Variants in CSMD1 observed in about 807,000 individuals in gnomAD.
CSMD1 encodes CUB and Sushi multiple domains 1, also known as CUB and sushi domain-containing protein 1.
Under a neutral mutation model 417.5 loss-of-function variants are expected in CSMD1, and 213 were observed. The ratio of observed to expected loss-of-function variants is 0.51; its 90% CI spans 0.46 to 0.57. The LOEUF (loss-of-function observed/expected upper bound fraction) is 0.57, where lower values mean the gene tolerates loss of function less well. Ranked by LOEUF, CSMD1 falls within the 20% of genes least tolerant of loss-of-function variation. The pLI, the probability that CSMD1 is intolerant of heterozygous loss-of-function variation, is 0.00. For missense variants in CSMD1, 6,923 were observed against 4,529.7 expected (o/e 1.53, Z -15.17); for synonymous variants, 2,862 against 1,736.8 (o/e 1.65, Z -16.11).
At chr8:3,183,208 C>T (rs1261034111) in intron 36 of CSMD1, 1 of 97,500 alleles carries the variant, frequency 1.0e-5, no homozygotes, top group Admixed American at 1.1e-4. Context: ...CCTGAAATAT[C>T]GAGTAGGTCT....
chr8:3,680,558 C>T (rs1346874790), intron 7 of CSMD1, among the ~76,000 whole-genome samples: 1 of 151,980 alleles, frequency 6.6e-6, no homozygotes, highest in South Asian at 2.1e-4. Flanking sequence ...GCTTACCAAC[C>T]AAAAAAAGTC....
In CSMD1 at chr8:3,950,180, C is replaced by T. The variant is rs140210328; in HGVS notation, c.818+47723G>A. The stretch of plus-strand genomic sequence containing the variant: ...TACAGAAGAAAGGTAAACCACAAGA[C>T]CCTAGAGGCCACGATCCAATACTGA... On this transcript the variant is annotated intron_variant, in intron 5 of 69. Coordinates refer to ENST00000635120, the MANE Select transcript of CSMD1 (RefSeq NM_033225.6). 1.2e-3 allele frequency among the ~76,000 whole-genome samples: 181 copies of T among 152,266 alleles called. 1 individual carries two copies. The highest frequency in any genetic ancestry group is 3.4e-3 in the Middle Eastern group (1 of 294).
chr8:3,764,458 TGTGA>T (rs1397537544), intron 5 of CSMD1, among the ~76,000 whole-genome samples: 2 of 152,172 alleles, frequency 1.3e-5, no homozygotes, highest in Non-Finnish European at 2.9e-5. Context: ...AAGACATGCG[TGTGA>T]GTGAGTAGAG....
intron 3 of CSMD1, among the ~76,000 whole-genome samples, chr8:4,070,703 C>T (rs1174661166): frequency 6.6e-6 from 1 of 152,114 alleles, no homozygotes; most frequent in African/African-American, 2.4e-5. Flanking sequence ...CAAGTTTTCA[C>T]CACAGGTTGT....
At chr8:4,286,543 A>C (rs78284028) in intron 3 of CSMD1, among the ~76,000 whole-genome samples, 266 of 152,230 alleles carry the variant, frequency 1.7e-3, no homozygotes, top group African/African-American at 6.3e-3. Flanking sequence ...TCTCATCATT[A>C]AGAACATGGG....
intron 3 of CSMD1, among the ~76,000 whole-genome samples, chr8:4,074,257 G>A (rs923374587): frequency 6.6e-6 from 1 of 151,888 alleles, no homozygotes; most frequent in Admixed American, 6.6e-5. Flanking sequence ...AAAACAAATT[G>A]TTTCATAAAG....
intron 5 of CSMD1, among the ~76,000 whole-genome samples, chr8:3,852,532 G>C (rs952299182): frequency 6.6e-6 from 1 of 152,174 alleles, no homozygotes; most frequent in Non-Finnish European, 1.5e-5. Context: ...AAACATAGTA[G>C]ATGGTGTTAG....
rs1815357691 is a variant in CSMD1 at position 3,998,054 on chromosome 8, G to A, written c.667C>T (p.His223Tyr). The A allele has an allele frequency of 1.9e-6, 3 of 1,597,898 alleles. No individual in the cohort carries two copies. The highest frequency in any genetic ancestry group is 1.7e-5 in the Admixed American group (1 of 57,746). ...TTGTTCTCGTACTCTGAAGGGAAGTGCGGGCTGGAGATGGAGCTGCTGGTC... is the reference window on the plus strand; with the variant it reads ...TTGTTCTCGTACTCTGAAGGGAAGTACGGGCTGGAGATGGAGCTGCTGGTC... ...RGTSSSISSP[H>Y]FPSEYENNAD... The change falls in exon 5 of 70, where the codon CAC becomes TAC. Residue 223 changes from histidine to tyrosine, a missense_variant. By Grantham distance (83) the His-to-Tyr change is moderately conservative. Coordinates refer to ENST00000635120, the MANE Select transcript of CSMD1 (RefSeq NM_033225.6).
At chr8:3,480,749 G>C (rs955357847) in intron 11 of CSMD1, among the ~76,000 whole-genome samples, 6 of 152,132 alleles carry the variant, frequency 3.9e-5, no homozygotes, top group South Asian at 4.2e-4. Context: ...TGGGATCATG[G>C]AGGCCAGAAG....
At chr8:4,312,159 T>A (rs1001850401) in intron 3 of CSMD1, among the ~76,000 whole-genome samples, 1 of 151,982 alleles carries the variant, frequency 6.6e-6, no homozygotes, top group Admixed American at 6.6e-5. Context: ...ACACGCTTCC[T>A]ACGTGCATTT....
chr8:3,422,198 T>TCTCACCATGAA (rs1463882557), intron 12 of CSMD1, among the ~76,000 whole-genome samples: 1 of 152,296 alleles, frequency 6.6e-6, no homozygotes, highest in East Asian at 1.9e-4. Context: ...TCTTGTTGCC[T>TCTCACCATGAA]CTCACCATGA....
chr8:2,992,693 G>A (rs2128949249), intron 54 of CSMD1, among the ~76,000 whole-genome samples: 1 of 152,134 alleles, frequency 6.6e-6, no homozygotes, highest in South Asian at 2.1e-4. Context: ...CCAAAGTGCT[G>A]TGACTATAGG....
intron 3 of CSMD1, among the ~76,000 whole-genome samples, chr8:4,360,125 G>A (rs1298476279): frequency 6.6e-6 from 1 of 152,138 alleles, no homozygotes; most frequent in Non-Finnish European, 1.5e-5. Context: ...CTCTCTGCAG[G>A]TTTGGCTGTG....
chr8:4,028,362 A>T (rs973967744), intron 4 of CSMD1, among the ~76,000 whole-genome samples: 1 of 152,244 alleles, frequency 6.6e-6, no homozygotes, highest in Middle Eastern at 3.4e-3. Context: ...AAATTTGCTA[A>T]AGTAGTGCCT....
rs915134959 is a variant in CSMD1, at chr8:3,283,974, C to T, written c.4153+170G>A. Among the ~76,000 whole-genome samples the T allele has an allele frequency of 2.8e-4, 43 of 152,268 alleles. 1 individual carries two copies. The highest frequency in any genetic ancestry group is 1.5e-5 in the Non-Finnish European group (1 of 68,054). Reference sequence around the variant, plus strand: ...ATCGTGGCCTCAGCCATGAACCCAGCAATGGGGGAAGAGAACTCTTCTCTG... The same window carrying T: ...ATCGTGGCCTCAGCCATGAACCCAGTAATGGGGGAAGAGAACTCTTCTCTG... On this transcript the variant is annotated intron_variant, in intron 26 of 69. Transcript: ENST00000635120.
intron 6 of CSMD1, among the ~76,000 whole-genome samples, chr8:3,751,307 T>C (rs1285747940): frequency 6.9e-6 from 1 of 145,210 alleles, no homozygotes; most frequent in Non-Finnish European, 1.5e-5. Context: ...GAAGTGTGTG[T>C]GTGTGTGTGT....
chr8:3,853,128 C>G, intron 5 of CSMD1, among the ~76,000 whole-genome samples: 1 of 152,144 alleles, frequency 6.6e-6, no homozygotes, highest in East Asian at 1.9e-4. Context: ...GCAGTGGCAG[C>G]AGGTGGCTGA....
At chr8:4,944,415 T>A (rs1381647382) in intron 1 of CSMD1, among the ~76,000 whole-genome samples, 1 of 152,154 alleles carries the variant, frequency 6.6e-6, no homozygotes, top group Non-Finnish European at 1.5e-5. Flanking sequence ...GGAATTCTCT[T>A]GAAATACTTT....
chr8:3,181,831 G>A (rs79404879), intron 36 of CSMD1, among the ~76,000 whole-genome samples: 4 of 152,134 alleles, frequency 2.6e-5, no homozygotes, highest in African/African-American at 7.2e-5. Context: ...ATTGGAAAGG[G>A]CAATACAGAT....
Sources: gnomAD v4.1 joint callset for allele counts (sites outside exome capture counted in the v4.1 genomes callset) on GRCh38, gnomAD v4.1.1 for gene constraint, MANE v1.5 for transcripts, NCBI Gene and HGNC (gene_info 2026-07-23, HGNC 2026-07-21) for gene names.